Variants in OLFM1 observed in about 807,000 individuals in gnomAD.
OLFM1 encodes the protein olfactomedin 1.
In OLFM1, 9 loss-of-function variants were observed where a neutral mutation model predicts 49.7. The observed-to-expected ratio is 0.18, with a 90% CI of 0.11 to 0.32. The LOEUF (loss-of-function observed/expected upper bound fraction) is 0.32. OLFM1 is among the 10% of genes least tolerant of loss of function. The pLI, the probability that OLFM1 is intolerant of heterozygous loss-of-function variation, is 1.00. For synonymous variants in OLFM1, 240 were observed against 271.8 expected, an observed-to-expected ratio of 0.88 and a Z score of 1.15; for missense variants, 369 against 661.8, an observed-to-expected ratio of 0.56 and a Z score of 4.85.
chr9:135,081,557 G>A (rs538771246), intron 1 of OLFM1, among the ~76,000 whole-genome samples: 1 of 152,302 alleles, frequency 6.6e-6, no homozygotes, highest in South Asian at 2.1e-4. Context: ...CTTGGAAACG[G>A]GGATGCATCT....
rs1454186418 is a variant in OLFM1 at position 135,119,902 on chromosome 9, C to T, written c.1182C>T (p.Asn394=). The change falls in exon 6 of 6, where the codon AAC becomes AAT. Residue 394 remains asparagine (N), a synonymous_variant. Transcript: ENST00000371793. ...CCCTGCAGACCCTGCAGACCTGGAA[C>T]ACGAGCTACCCCAAGCGCAGCGCCG... ...PVSLQTLQTW[N]TSYPKRSAGE... 6.2e-7 allele frequency: 1 copy of T among 1,613,528 alleles called. No individual in the cohort carries two copies. Among genetic ancestry groups the T allele is most frequent in the Non-Finnish European group, 8.5e-7 (1 of 1,180,034 alleles).
rs1830634729 is a variant in OLFM1 at position 135,088,594 on chromosome 9, C to G, written c.150+455C>G. ...CGGTCCAGCGGGGACTGAGCCCGCC[C>G]TAGTTTGTAAAAGCCAGACTGGCCG... On this transcript the variant is annotated intron_variant, in intron 1 of 5. Transcript: ENST00000371793. The surrounding 1 kb of genome is among the most constrained non-coding windows in gnomAD (Gnocchi z 4.8). Among the ~76,000 whole-genome samples, 1 of 152,022 alleles carries G rather than the reference C, an allele frequency of 6.6e-6. No individual in the cohort carries two copies. Among genetic ancestry groups the G allele is most frequent in the Non-Finnish European group, 1.5e-5 (1 of 67,992 alleles).
intron 1 of OLFM1, among the ~76,000 whole-genome samples, chr9:135,081,349 T>C (rs526211): frequency 0.87 from 131,421 of 151,858 alleles, 57,275 homozygotes; most frequent in African/African-American, 0.91. Flanking sequence ...CTGGTGCTGC[T>C]GCCGGGTCGC....
rs1375464080 is a variant in OLFM1 at position 135,080,485 on chromosome 9, C to T, written c.96+4683C>T. ...CTGGACACACGGAGGGAGAGGGGCACCCTCCCCTTTCCCATTCCCGGGCTG... is the reference window on the plus strand; with the variant it reads ...CTGGACACACGGAGGGAGAGGGGCATCCTCCCCTTTCCCATTCCCGGGCTG... On this transcript the variant is annotated intron_variant, in intron 1 of 5. Coordinates refer to the OLFM1 transcript ENST00000252854. This position sits in a 1 kb window ranked among gnomAD's most constrained non-coding sequence, Gnocchi z 4.5. 6.6e-6 allele frequency among the ~76,000 whole-genome samples: 1 copy of T among 152,100 alleles called. No individual in the cohort carries two copies. Among genetic ancestry groups the T allele is most frequent in the Admixed American group, 6.6e-5 (1 of 15,260 alleles).
At chr9:135,112,333 G>C (rs1075357) in intron 5 of OLFM1, among the ~76,000 whole-genome samples, 7,137 of 152,318 alleles carry the variant, frequency 0.047, 530 homozygotes, top group African/African-American at 0.16. Flanking sequence ...TTCCCTCCAG[G>C]CTGCACTGGC....
In OLFM1 at chr9:135,088,450, A is replaced by C. The variant is rs1830632664; in HGVS notation, c.150+311A>C. Among the ~76,000 whole-genome samples the C allele has an allele frequency of 6.6e-6, 1 of 151,956 alleles. No individual in the cohort carries two copies. The highest frequency in any genetic ancestry group is 1.5e-5 in the Non-Finnish European group (1 of 67,976). ...TCTCGGAGGCTTGGAGTCCTGGGTC[A>C]GTAATCATGAGCCCCCCATTGAAAA... On this transcript the variant is annotated intron_variant, in intron 1 of 5. Transcript: ENST00000371793. This position sits in a 1 kb window ranked among gnomAD's most constrained non-coding sequence, Gnocchi z 4.8.
chr9:135,102,199 G>A (rs1264839606), intron 4 of OLFM1, among the ~76,000 whole-genome samples: 2 of 152,192 alleles, frequency 1.3e-5, no homozygotes, highest in Admixed American at 6.5e-5. Flanking sequence ...CTGGCACCAT[G>A]CCCTACACTC....
Position 135,088,072 on chromosome 9 carries a change from C to T in OLFM1, c.83C>T (p.Ser28Leu), listed in dbSNP as rs1830624270. The T allele has an allele frequency of 2.1e-6, 3 of 1,449,040 alleles. 1 individual carries two copies. The highest frequency in any genetic ancestry group is 3.0e-5 in the East Asian group (1 of 33,270). 89.8% of individuals were successfully genotyped at this position (1,449,040 alleles called of 1,614,324 possible). Residue 28 changes from serine to leucine, a missense_variant, in exon 1 of 6, where the codon TCG becomes TTG. Ser to Leu is a moderately radical substitution (Grantham distance 145, BLOSUM62 -2). Transcript: ENST00000371793. This position sits in a 1 kb window ranked among gnomAD's most constrained non-coding sequence, Gnocchi z 4.8. Reference sequence around the variant, plus strand: ...AACTGGATGTCCCAGACGCTGCCCTCGCTGGTGGGCCTCAACACCACCAAG... The same window carrying T: ...AACTGGATGTCCCAGACGCTGCCCTTGCTGGTGGGCCTCAACACCACCAAG... ...ITNWMSQTLP[S>L]LVGLNTTKLS...
intron 2 of OLFM1, among the ~76,000 whole-genome samples, chr9:135,091,737 A>ATAGT (rs1564270988): frequency 2.0e-5 from 3 of 146,680 alleles, no homozygotes; most frequent in Admixed American, 6.8e-5. Context: ...ATAGTCACAC[A>ATAGT]CACCCACACA....
chr9:135,083,751 G>A (rs1184613526), upstream of OLFM1, among the ~76,000 whole-genome samples: 1 of 152,332 alleles, frequency 6.6e-6, no homozygotes, highest in South Asian at 2.1e-4. Context: ...CCTGTCATTC[G>A]AGGGCCCTGG....
upstream of OLFM1, among the ~76,000 whole-genome samples, chr9:135,087,067 C>T (rs1294894335): frequency 6.6e-6 from 1 of 152,230 alleles, no homozygotes; most frequent in Non-Finnish European, 1.5e-5. Flanking sequence ...GTCAGGAGTG[C>T]CGGTTGGCTC....
chr9:135,087,828 C>T lies in OLFM1; in HGVS notation c.-162C>T, dbSNP rs1297322957. 9 of 899,716 alleles carry T rather than the reference C, an allele frequency of 1.0e-5. No individual in the cohort carries two copies. Among genetic ancestry groups the T allele is most frequent in the Non-Finnish European group, 1.2e-5 (9 of 754,742 alleles). 55.7% of individuals were successfully genotyped at this position (899,716 alleles called of 1,614,324 possible). Reference sequence around the variant, plus strand: ...GGGGAAGGCGCGGCGATGGCCGGGGCGCGCGGGGCGGCGGCGGCGGCGGGC... The same window carrying T: ...GGGGAAGGCGCGGCGATGGCCGGGGTGCGCGGGGCGGCGGCGGCGGCGGGC... On this transcript the variant is annotated 5_prime_UTR_variant, in exon 1 of 6. Coordinates refer to ENST00000371793, the MANE Select transcript of OLFM1 (RefSeq NM_001282611.2).
chr9:135,108,502 G>A (rs753927720), intron 5 of OLFM1, among the ~76,000 whole-genome samples: 5 of 151,872 alleles, frequency 3.3e-5, no homozygotes, highest in Admixed American at 6.5e-5. Flanking sequence ...GCGTGGTGGC[G>A]TGCACCTGTA....
rs1830621131 is a variant in OLFM1 at position 135,087,855 on chromosome 9, G to A, written c.-135G>A. The A allele has an allele frequency of 1.0e-6, 1 of 960,472 alleles. No homozygotes were observed. Among genetic ancestry groups the A allele is most frequent in the Non-Finnish European group, 1.2e-6 (1 of 810,138 alleles). 59.5% of individuals were successfully genotyped at this position (960,472 alleles called of 1,614,324 possible). A position where few individuals can be genotyped will look rare whatever the true frequency, so the allele number is the denominator to read the frequency against. On this transcript the variant is annotated 5_prime_UTR_variant, in exon 1 of 6. Transcript: ENST00000371793. ...CGCGGGGCGGCGGCGGCGGCGGGCG[G>A]GCGGCGGCGGGCCGAGGGGGCGCGG...
intron 5 of OLFM1, among the ~76,000 whole-genome samples, chr9:135,107,521 C>T (rs1000246322): frequency 4.6e-5 from 7 of 152,090 alleles, no homozygotes; most frequent in Admixed American, 2.6e-4. Context: ...GGCCCGGCCT[C>T]GCTCGGCCCC....
upstream of OLFM1, among the ~76,000 whole-genome samples, chr9:135,083,692 C>T (rs575231383): frequency 1.1e-4 from 16 of 152,300 alleles, no homozygotes; most frequent in East Asian, 1.4e-3. Context: ...ATGATGGCAA[C>T]GGTGTGCATA....
chr9:135,101,369 G>A (rs749878667), intron 4 of OLFM1, among the ~76,000 whole-genome samples: 1 of 152,200 alleles, frequency 6.6e-6, no homozygotes, highest in African/African-American at 2.4e-5. Flanking sequence ...GCCTGGAGGA[G>A]AGGCTCTCCC....
chr9:135,097,673 G>C, intron 3 of OLFM1: 1 of 898,434 alleles, frequency 1.1e-6, no homozygotes, highest in Admixed American at 1.7e-5. Context: ...GAGCATTACA[G>C]TGGGATTTTT....
chr9:135,112,962 C>T (rs757557840), intron 5 of OLFM1, among the ~76,000 whole-genome samples: 13 of 152,188 alleles, frequency 8.5e-5, no homozygotes, highest in Non-Finnish European at 1.6e-4. Flanking sequence ...ATGGAAGCCA[C>T]TTTGTGGCGT....
Sources: gnomAD v4.1 joint callset for allele counts (sites outside exome capture counted in the v4.1 genomes callset) on GRCh38, gnomAD v4.1.1 for gene constraint, Gnocchi (gnomAD v3.1) non-coding constraint, MANE v1.5 for transcripts, NCBI Gene and HGNC (gene_info 2026-07-23, HGNC 2026-07-21) for gene names.